Variants in IFT74 observed in about 807,000 individuals in gnomAD.
IFT74 encodes the protein intraflagellar transport 74, also known as intraflagellar transport protein 74 homolog.
A neutral mutation model predicts 96.7 loss-of-function variants in IFT74; 92 were observed. The ratio of observed to expected loss-of-function variants is 0.95; its 90% confidence interval spans 0.80 to 1.13. IFT74 has a LOEUF of 1.13. Ranked by LOEUF, IFT74 falls within the 50% of genes most tolerant of loss-of-function variation. IFT74 has a pLI of 0.00. For synonymous variants in IFT74, 223 were observed against 213.2 expected (o/e 1.05, Z -0.40); for missense variants, 811 against 698.2 (o/e 1.16, Z -1.82).
rs769977024 is a variant in IFT74 at position 27,044,767 on chromosome 9, G to A, written c.1080G>A (p.Glu360=). The change falls in exon 14 of 20, where the codon GAG becomes GAA. Residue 360 remains glutamate, a synonymous_variant. Transcript: ENST00000380062. ...GTGAAATGAACCAGAAATACAAGGA[G>A]CTAAAGAAAAGGGAGGAACATATGG... ...HQGEMNQKYK[E]LKKREEHMDT... 5.1e-6 allele frequency: 8 copies of A among 1,568,058 alleles called. No individual in the cohort carries two copies. The highest frequency in any genetic ancestry group is 7.0e-6 in the Non-Finnish European group (8 of 1,147,566).
chr9:27,055,355 G>C (rs576386511), intron 16 of IFT74, among the ~76,000 whole-genome samples: 9 of 152,108 alleles, frequency 5.9e-5, no homozygotes, highest in Admixed American at 5.9e-4. Flanking sequence ...TTAAATGTTT[G>C]TTAGCATGGA....
chr9:27,021,003 A>G (rs1829573750), intron 12 of IFT74, among the ~76,000 whole-genome samples: 1 of 152,128 alleles, frequency 6.6e-6, no homozygotes, highest in Non-Finnish European at 1.5e-5. Context: ...GCTCCCACTT[A>G]TAAATGAGAA....
chr9:26,948,849 ATCTC>A (rs1290953720), intron 1 of IFT74, among the ~76,000 whole-genome samples: 2 of 151,852 alleles, frequency 1.3e-5, no homozygotes, highest in Non-Finnish European at 2.9e-5. Flanking sequence ...TCCCTCTGTT[ATCTC>A]TCTTACTCTA....
chr9:27,040,086 G>A (rs1212769390), intron 13 of IFT74, among the ~76,000 whole-genome samples: 1 of 152,124 alleles, frequency 6.6e-6, no homozygotes, highest in African/African-American at 2.4e-5. Context: ...CTTGAAAACG[G>A]CTGAAATCCT....
chr9:27,061,287 TCC>T (rs1820411979), intron 19 of IFT74, among the ~76,000 whole-genome samples: 2 of 152,306 alleles, frequency 1.3e-5, no homozygotes, highest in South Asian at 4.1e-4. Flanking sequence ...AGTTGGGCGA[TCC>T]AATTTTAAAT....
In IFT74 at chr9:27,012,708, G is replaced by GTTTTTTTTTTT. The variant is rs772920018; in HGVS notation, c.789+757_789+767dup. On this transcript the variant is annotated intron_variant, in intron 10 of 19. Coordinates refer to ENST00000380062, the MANE Select transcript of IFT74 (RefSeq NM_025103.4). ...GAACAAGAGGAAAGTAAAAATGTCT[G>GTTTTTTTTTTT]TTTTTTTTTTTTTTTTTTTTTTTTT... 4.8e-4 allele frequency among the ~76,000 whole-genome samples: 26 copies of GTTTTTTTTTTT among 53,876 alleles called. 5 individuals carry two copies. The East Asian group carries it at 5.0e-3, about 10-fold the overall frequency. 35.3% of individuals were successfully genotyped at this position (53,876 alleles called of 152,430 possible). A position where few individuals can be genotyped will look rare whatever the true frequency, so the allele number is the denominator to read the frequency against.
chr9:27,054,322 C>T (rs1820064085), intron 16 of IFT74, among the ~76,000 whole-genome samples: 1 of 152,160 alleles, frequency 6.6e-6, no homozygotes, highest in Non-Finnish European at 1.5e-5. Flanking sequence ...ATTCATAAAC[C>T]TTAAGCCTTT....
chr9:27,012,565 GAA>G (rs1332958170), intron 10 of IFT74, among the ~76,000 whole-genome samples: 1 of 152,056 alleles, frequency 6.6e-6, no homozygotes, highest in African/African-American at 2.4e-5. Flanking sequence ...TAAAAACAAA[GAA>G]AGAGGGAGAG....
intron 13 of IFT74, chr9:27,036,414 G>A: frequency 1.2e-6 from 2 of 1,608,118 alleles, no homozygotes; most frequent in East Asian, 2.2e-5. Flanking sequence ...TTGTAATATA[G>A]TCAATTCTTT....
At chr9:27,025,443 C>CAAAAAAAAAAAAAAAAAAA (rs57335230) in intron 12 of IFT74, among the ~76,000 whole-genome samples, 7 of 77,704 alleles carry the variant, frequency 9.0e-5, no homozygotes, top group South Asian at 3.8e-4. Flanking sequence ...ACTCCATCTC[C>CAAAAAAAAAAAAAAAAAAA]AAAAAAAAAA....
chr9:27,040,544 C>CAAAAAAAAAAAAAAAA lies in IFT74; in HGVS notation c.1055-4190_1055-4175dup, dbSNP rs751893169. Among the ~76,000 whole-genome samples the CAAAAAAAAAAAAAAAA allele has an allele frequency of 2.4e-3, 151 of 62,072 alleles. 1 individual carries two copies. Among genetic ancestry groups the CAAAAAAAAAAAAAAAA allele is most frequent in the African/African-American group, 8.3e-3 (147 of 17,762 alleles). The allele number at this position is 62,072 out of a possible 152,430, so 40.7% of individuals were successfully genotyped here. On this transcript the variant is annotated intron_variant, in intron 13 of 19. Transcript: ENST00000380062. ...TGGGCAACAGAACGAGACACTGTCT[C>CAAAAAAAAAAAAAAAA]AAAAAAAAAAAAAAAAAAAAAAAGA...
intron 12 of IFT74, 149 bp downstream of exon 12, chr9:27,018,836 T>A: frequency 2.3e-6 from 1 of 426,544 alleles, no homozygotes; most frequent in Non-Finnish European, 4.3e-6. Flanking sequence ...ATAGTATAAT[T>A]TTTTTATAAG....
chr9:26,992,256 GT>G lies in IFT74; in HGVS notation c.587+2069del, dbSNP rs1056975637. ...TGTCATAGATTTTTACATCTATTTG[GT>G]TTTTTTTATTTAGGAAAATCTTCAA... On this transcript the variant is annotated intron_variant, in intron 8 of 19. Transcript: ENST00000380062. Among the ~76,000 whole-genome samples, 829 of 151,880 alleles carry G rather than the reference GT, an allele frequency of 5.5e-3. 6 individuals carry two copies. Among genetic ancestry groups the G allele is most frequent in the African/African-American group, 0.019 (768 of 41,402 alleles).
chr9:27,011,959 C>G lies in IFT74; in HGVS notation c.780C>G (p.Ser260Arg). Reference sequence around the variant, plus strand: ...ATTCACAGAACATGAAAAAAGAGAGCCTGGAAGCAGTAAGTATAAAATCAA... The same window carrying G: ...ATTCACAGAACATGAAAAAAGAGAGGCTGGAAGCAGTAAGTATAAAATCAA... ...QLDSQNMKKE[S>R]LEAEIAHSQV... is the part of the protein sequence containing the mutation. Residue 260 changes from serine to arginine, a missense_variant, in exon 10 of 20, where the codon AGC (serine) becomes AGG (arginine). Transcript: ENST00000380062. The G allele has an allele frequency of 6.3e-7, 1 of 1,579,942 alleles. No individual in the cohort carries two copies. Among genetic ancestry groups the G allele is most frequent in the Non-Finnish European group, 8.6e-7 (1 of 1,163,476 alleles).
chr9:27,017,092 G>T, intron 11 of IFT74, 42 bp downstream of exon 11: 1 of 1,553,208 alleles, frequency 6.4e-7, no homozygotes, highest in Non-Finnish European at 8.7e-7. Flanking sequence ...GTCTGGTTTT[G>T]GTACATGTAT....
chr9:27,060,492 T>C, intron 18 of IFT74, 99 bp from the exon 19 acceptor site: 1 of 655,108 alleles, frequency 1.5e-6, no homozygotes. Flanking sequence ...GTTGATAAGA[T>C]TTAAAGTTGG....
rs769825258 is a variant in IFT74, at chr9:27,016,950, A to T, written c.833A>T (p.His278Leu). 1 of 1,610,690 alleles carries T rather than the reference A, an allele frequency of 6.2e-7. No individual in the cohort carries two copies. The highest frequency in any genetic ancestry group is 1.1e-5 in the South Asian group (1 of 90,506). The change falls in exon 11 of 20, where the codon CAT (histidine) becomes CTT (leucine). Residue 278 changes from histidine to leucine, a missense_variant. Transcript: ENST00000380062. ...SQVKQEAVLLHEKLYELESHR... is the reference protein window; with the variant it reads ...SQVKQEAVLLLEKLYELESHR... Reference sequence around the variant, plus strand: ...GTGAAACAGGAGGCGGTATTGCTGCATGAAAAACTTTATGAGTTGGAGTCC... The same window carrying T: ...GTGAAACAGGAGGCGGTATTGCTGCTTGAAAAACTTTATGAGTTGGAGTCC...
Position 27,029,080 on chromosome 9 carries a change from G to C in IFT74, c.1030G>C (p.Asp344His). Residue 344 changes from aspartate to histidine, a missense_variant, in exon 13 of 20, where the codon GAC becomes CAC. Coordinates refer to ENST00000380062, the MANE Select transcript of IFT74 (RefSeq NM_025103.4). ...NQFIEEIRQL[D>H]MDLEEHQGEM... ...GTTTATTGAAGAAATTAGACAACTT[G>C]ACATGGATTTAGAGGAACACCAAGG... The C allele has an allele frequency of 1.9e-6, 3 of 1,602,618 alleles. No homozygotes were observed. The highest frequency in any genetic ancestry group is 2.6e-6 in the Non-Finnish European group (3 of 1,174,198).
intron 13 of IFT74, among the ~76,000 whole-genome samples, chr9:27,036,195 A>G (rs533224749): frequency 4.2e-4 from 64 of 152,340 alleles, no homozygotes; most frequent in African/African-American, 1.5e-3. Context: ...AGACTGAGGA[A>G]GAGGAGGAAG....
Sources: allele counts gnomAD v4.1 joint callset (sites outside exome capture counted in the v4.1 genomes callset), GRCh38; gene constraint gnomAD v4.1.1; transcripts MANE v1.5; gene names NCBI Gene and HGNC (gene_info 2026-07-23, HGNC 2026-07-21).